Variants in ATF7 observed in about 807,000 individuals in gnomAD.
ATF7 encodes the protein activating transcription factor 7, also known as cyclic AMP-dependent transcription factor ATF-7.
ATF7 carries 10 observed loss-of-function variants against 50.4 expected under a neutral mutation model. That is an observed-to-expected ratio of 0.20 (90% CI 0.12 to 0.34). The LOEUF (loss-of-function observed/expected upper bound fraction) is 0.34. Ranked by LOEUF, ATF7 falls within the 10% of genes least tolerant of loss-of-function variation. The pLI is 1.00. For missense variants in ATF7, 465 were observed against 613.9 expected (o/e 0.76, Z 2.56); for synonymous variants, 201 against 226.4 (o/e 0.89, Z 1.01).
intron 1 of ATF7, among the ~76,000 whole-genome samples, chr12:53,604,015 A>G (rs1041859059): frequency 2.0e-5 from 3 of 152,220 alleles, no homozygotes; most frequent in Admixed American, 6.5e-5. Flanking sequence ...TGACAAGCAG[A>G]TCATGTGTCT....
At chr12:53,537,716 T>C (rs2137408289) in intron 4 of ATF7, among the ~76,000 whole-genome samples, 164 bp from the exon 5 acceptor site, 1 of 150,974 alleles carries the variant, frequency 6.6e-6, no homozygotes, top group Middle Eastern at 3.5e-3. Context: ...TATGTTTGAT[T>C]TGTTTTGTAT....
chr12:53,587,844 T>TATATATATATATATATATA (rs1491300296), intron 2 of ATF7, among the ~76,000 whole-genome samples: 247 of 40,550 alleles, frequency 6.1e-3, no homozygotes, highest in Non-Finnish European at 8.1e-3. Flanking sequence ...TATATATATA[T>TATATATATATATATATATA]TTTTTTTTTT....
chr12:53,532,631 G>T lies in ATF7; in HGVS notation c.661-8C>A. The T allele has an allele frequency of 6.5e-7, 1 of 1,527,034 alleles. No individual in the cohort carries two copies. Among genetic ancestry groups the T allele is most frequent in the Non-Finnish European group, 8.8e-7 (1 of 1,132,152 alleles). The allele number at this position is 1,527,034 out of a possible 1,614,324, so 94.6% of individuals were successfully genotyped here. On this transcript the variant is annotated splice_polypyrimidine_tract_variant and splice_region_variant and intron_variant, in intron 7 of 11. Coordinates refer to ENST00000420353, the MANE Select transcript of ATF7 (RefSeq NM_006856.3). ...GGACACAGGTCTGGCCAGCTGGATC[G>T]AGAGAAGGAAAAAAAAAAAAAGAGA...
At chr12:53,528,768 A>AAAAAGAAAAG (rs1356941137) in intron 9 of ATF7, among the ~76,000 whole-genome samples, 2 of 152,186 alleles carry the variant, frequency 1.3e-5, no homozygotes, top group African/African-American at 4.8e-5. Flanking sequence ...ATCTTAAAAA[A>AAAAAGAAAAG]AAAAGAAAAG....
In ATF7 at chr12:53,514,952, G is replaced by T. The variant is rs1002620893; in HGVS notation, c.*2185C>A. ...AAAATGAAACAAAACTCTAAAGCAGGAGAAAATCCCAGGGAGCAGCCAGCT... is the reference window on the plus strand; with the variant it reads ...AAAATGAAACAAAACTCTAAAGCAGTAGAAAATCCCAGGGAGCAGCCAGCT... On this transcript the variant is annotated 3_prime_UTR_variant, in exon 12 of 12. Transcript: ENST00000420353. The T allele has an allele frequency of 4.6e-5, 7 of 152,214 alleles. No individual in the cohort carries two copies. The highest frequency in any genetic ancestry group is 1.7e-4 in the African/African-American group (7 of 41,440). 9.4% of individuals were successfully genotyped at this position (152,214 alleles called of 1,614,324 possible).
chr12:53,573,353 T>G (rs533914684), intron 2 of ATF7, among the ~76,000 whole-genome samples: 220 of 152,292 alleles, frequency 1.4e-3, no homozygotes, highest in Non-Finnish European at 1.8e-3. Flanking sequence ...GTCCCTGATA[T>G]AAAATGGTGT....
At chr12:53,569,147 G>A (rs1941613676) in intron 2 of ATF7, among the ~76,000 whole-genome samples, 1 of 152,110 alleles carries the variant, frequency 6.6e-6, no homozygotes, top group Non-Finnish European at 1.5e-5. Context: ...ACTCCGGCCT[G>A]GGCGACAGAG....
intron 6 of ATF7, 89 bp from the exon 7 acceptor site, chr12:53,533,348 C>T: frequency 8.8e-7 from 1 of 1,142,610 alleles, no homozygotes; most frequent in Non-Finnish European, 1.3e-6. Context: ...TTCCAGTCTT[C>T]TCTAGTTAGG....
At chr12:53,615,316 G>A (rs1228547013) in intron 1 of ATF7, among the ~76,000 whole-genome samples, 2 of 151,314 alleles carry the variant, frequency 1.3e-5, no homozygotes, top group African/African-American at 4.9e-5. Flanking sequence ...CCCGGGAGGC[G>A]AAGCTTGCAG....
At chr12:53,604,533 G>A (rs546299824) in intron 1 of ATF7, among the ~76,000 whole-genome samples, 7 of 152,210 alleles carry the variant, frequency 4.6e-5, no homozygotes, top group Admixed American at 3.3e-4. Flanking sequence ...TCTAAACCTC[G>A]TGTGATATTA....
Position 53,575,014 on chromosome 12 carries a change from G to T in ATF7, c.49-22377C>A, listed in dbSNP as rs567375384. On this transcript the variant is annotated intron_variant, in intron 2 of 11. Coordinates refer to ENST00000420353, the MANE Select transcript of ATF7 (RefSeq NM_006856.3). ...TGGCTGGGCGTGGTGGCTCATGCCT[G>T]TAATCCCAGCACTTTGGGAGGCCGA... The T allele has an allele frequency of 2.6e-4, 48 of 183,248 alleles. No individual in the cohort carries two copies. In the South Asian group the frequency reaches 4.0e-3, roughly 15 times the overall value. 11.4% of individuals were successfully genotyped at this position (183,248 alleles called of 1,614,324 possible).
At chr12:53,568,301 G>A (rs949062397) in intron 2 of ATF7, among the ~76,000 whole-genome samples, 1 of 152,070 alleles carries the variant, frequency 6.6e-6, no homozygotes, top group East Asian at 1.9e-4. Flanking sequence ...TAACTGGAAG[G>A]TGAGGAGGGG....
intron 1 of ATF7, among the ~76,000 whole-genome samples, chr12:53,603,919 C>T (rs1380266195): frequency 6.6e-6 from 1 of 152,094 alleles, no homozygotes; most frequent in Non-Finnish European, 1.5e-5. Context: ...GTAGTGTAAA[C>T]AGACTGAGAC....
At chr12:53,578,694 G>C (rs1404264396) in intron 2 of ATF7, among the ~76,000 whole-genome samples, 2 of 151,388 alleles carry the variant, frequency 1.3e-5, no homozygotes, top group African/African-American at 4.9e-5. Context: ...TGAGATGGGA[G>C]GATTGCTGGA....
intron 2 of ATF7, among the ~76,000 whole-genome samples, chr12:53,591,203 A>C (rs1294779977): frequency 3.3e-5 from 5 of 152,102 alleles, no homozygotes; most frequent in African/African-American, 1.2e-4. Flanking sequence ...AAGTCTATTA[A>C]TTTTTTTAAA....
intron 2 of ATF7, among the ~76,000 whole-genome samples, chr12:53,558,420 T>G (rs1165892433): frequency 1.3e-5 from 2 of 152,188 alleles, no homozygotes; most frequent in African/African-American, 4.8e-5. Context: ...AAAAGCTGCT[T>G]TTTAGTTTCC....
chr12:53,521,329 G>A (rs1448645137), intron 11 of ATF7, among the ~76,000 whole-genome samples: 3 of 151,996 alleles, frequency 2.0e-5, no homozygotes, highest in Non-Finnish European at 4.4e-5. Context: ...CCCTCTAATG[G>A]CCCCCAGTGT....
chr12:53,589,996 T>C (rs1283653785), intron 2 of ATF7, among the ~76,000 whole-genome samples: 3 of 152,186 alleles, frequency 2.0e-5, no homozygotes, highest in Non-Finnish European at 4.4e-5. Context: ...CTCGAACCCC[T>C]GGCTTCAAGC....
chr12:53,608,717 C>T (rs1242047144), intron 1 of ATF7, among the ~76,000 whole-genome samples: 1 of 152,128 alleles, frequency 6.6e-6, no homozygotes, highest in Admixed American at 6.6e-5. Context: ...AAATTATATG[C>T]AAACAGCTCT....
Sources: allele counts gnomAD v4.1 joint callset (sites outside exome capture counted in the v4.1 genomes callset), GRCh38; gene constraint gnomAD v4.1.1; transcripts MANE v1.5; gene names NCBI Gene and HGNC (gene_info 2026-07-23, HGNC 2026-07-21).